LRBA: variants seen among roughly 807,000 people sequenced by gnomAD.
The protein encoded by LRBA is LPS responsive beige-like anchor protein, also known as lipopolysaccharide-responsive and beige-like anchor protein.
Under a neutral mutation model 330.0 loss-of-function variants are expected in LRBA, and 176 were observed. The observed-to-expected ratio is 0.53, with a 90% CI of 0.47 to 0.60. The LOEUF is 0.60. Ranked by LOEUF, LRBA falls within the 20% of genes least tolerant of loss-of-function variation. The pLI is 0.00. For synonymous variants in LRBA, 1,230 were observed against 1,193.0 expected (o/e 1.03, Z -0.64); for missense variants, 3,259 against 3,444.8 (o/e 0.95, Z 1.35).
chr4:150,833,205 T>C (rs1747459675), intron 28 of LRBA, among the ~76,000 whole-genome samples: 1 of 152,156 alleles, frequency 6.6e-6, no homozygotes, highest in African/African-American at 2.4e-5. Flanking sequence ...ATTCTAGCTC[T>C]ACAGGTCACC....
At chr4:150,283,542 G>A (rs1314613418) in intron 54 of LRBA, among the ~76,000 whole-genome samples, 3 of 152,196 alleles carry the variant, frequency 2.0e-5, no homozygotes, top group Non-Finnish European at 4.4e-5. Flanking sequence ...ACATGGAATC[G>A]TTGCCTTTTC....
chr4:150,646,574 C>T (rs1406623398), intron 37 of LRBA, among the ~76,000 whole-genome samples: 2 of 152,064 alleles, frequency 1.3e-5, no homozygotes, highest in Non-Finnish European at 2.9e-5. Context: ...GGCACTAAAA[C>T]ATTCACCATT....
At chr4:150,708,765 T>C (rs1050544545) in intron 36 of LRBA, among the ~76,000 whole-genome samples, 18 of 151,840 alleles carry the variant, frequency 1.2e-4, no homozygotes, top group African/African-American at 4.3e-4. Flanking sequence ...CCAGCTGGCA[T>C]TTTATAACAG....
chr4:150,883,900 T>C (rs1560958873), intron 17 of LRBA, among the ~76,000 whole-genome samples: 1 of 151,922 alleles, frequency 6.6e-6, no homozygotes, highest in African/African-American at 2.4e-5. Flanking sequence ...AAAAGCAAAA[T>C]AGGGGGAATA....
chr4:150,542,707 G>T (rs1293667749), intron 40 of LRBA, among the ~76,000 whole-genome samples: 1 of 152,134 alleles, frequency 6.6e-6, no homozygotes, highest in Non-Finnish European at 1.5e-5. Flanking sequence ...GATGATGCTA[G>T]CCAGTTCCTG....
intron 47 of LRBA, among the ~76,000 whole-genome samples, chr4:150,390,095 C>A (rs1044245127): frequency 6.6e-6 from 1 of 151,972 alleles, no homozygotes; most frequent in Non-Finnish European, 1.5e-5. Flanking sequence ...TAGCTTACAT[C>A]ATTAGTGTAA....
At chr4:150,596,975 T>C (rs1561403930) in intron 38 of LRBA, 1 of 549,012 alleles carries the variant, frequency 1.8e-6, no homozygotes, top group East Asian at 3.4e-5. Flanking sequence ...AAGAATCTCC[T>C]ACACATTTAG....
At chr4:150,460,206 T>A (rs551775338) in intron 44 of LRBA, among the ~76,000 whole-genome samples, 1 of 151,944 alleles carries the variant, frequency 6.6e-6, no homozygotes, top group East Asian at 1.9e-4. Context: ...CAGTTAAATG[T>A]CGGTAGTCAA....
chr4:150,733,154 G>C (rs557638593), intron 36 of LRBA, among the ~76,000 whole-genome samples: 5 of 151,690 alleles, frequency 3.3e-5, no homozygotes, highest in Non-Finnish European at 4.4e-5. Context: ...ATACTGACTT[G>C]AGAAAAATGA....
chr4:150,892,328 G>C (rs1344434043), intron 17 of LRBA, among the ~76,000 whole-genome samples: 1 of 152,164 alleles, frequency 6.6e-6, no homozygotes, highest in Non-Finnish European at 1.5e-5. Flanking sequence ...CCTATCATTA[G>C]TATTTGGAGA....
chr4:150,495,965 T>G (rs531038574), intron 40 of LRBA, among the ~76,000 whole-genome samples: 1 of 152,200 alleles, frequency 6.6e-6, no homozygotes, highest in Non-Finnish European at 1.5e-5. Flanking sequence ...CTTTCAATTG[T>G]TTTAAATAAT....
chr4:150,709,807 T>C (rs12507255), intron 36 of LRBA, among the ~76,000 whole-genome samples: 48,801 of 151,802 alleles, frequency 0.32, 9,536 homozygotes, highest in Non-Finnish European at 0.44. Flanking sequence ...TAGATTTACA[T>C]TGGGTGATTG....
At chr4:150,824,697 T>C (rs1745970733) in intron 30 of LRBA, among the ~76,000 whole-genome samples, 1 of 152,240 alleles carries the variant, frequency 6.6e-6, no homozygotes. Context: ...CCTGTTGATA[T>C]GATGTATCAC....
At chr4:151,005,566 T>C (rs9999064) in intron 2 of LRBA, among the ~76,000 whole-genome samples, 112,527 of 136,756 alleles carry the variant, frequency 0.82, 48,260 homozygotes, top group Non-Finnish European at 0.95. Flanking sequence ...CTGTTCTTTT[T>C]TTTTTTGGAG....
chr4:150,340,953 T>C (rs1164059030), intron 48 of LRBA, among the ~76,000 whole-genome samples: 1 of 151,900 alleles, frequency 6.6e-6, no homozygotes, highest in Non-Finnish European at 1.5e-5. Context: ...TGATGTGAAA[T>C]AGGAAAGTTT....
chr4:150,492,437 C>T lies in LRBA; in HGVS notation c.6331-1402G>A, dbSNP rs987513597. ...CCTATGTAAAATAAAGGTAAATGAACAGGAAACGAGAGGACAAAAATATGA... is the reference window on the plus strand; with the variant it reads ...CCTATGTAAAATAAAGGTAAATGAATAGGAAACGAGAGGACAAAAATATGA... On this transcript the variant is annotated intron_variant, in intron 40 of 56. Coordinates refer to ENST00000651943, the MANE Select transcript of LRBA (RefSeq NM_001364905.1). 7.2e-5 allele frequency among the ~76,000 whole-genome samples: 11 copies of T among 152,016 alleles called. No homozygotes were observed. In the South Asian group the frequency reaches 2.1e-3, roughly 29 times the overall value.
At position 151,014,540 on chromosome 4, in the gene LRBA, G is replaced by A. The variant is rs142755995; in HGVS notation, c.103C>T (p.Leu35=). ...CCCCTGATGGGGAGCCCTGGTTTCAGAGACAATGCACCCCCTTCAGTAGGG... is the reference window on the plus strand; with the variant it reads ...CCCCTGATGGGGAGCCCTGGTTTCAAAGACAATGCACCCCCTTCAGTAGGG... The part of the protein sequence containing the change: ...ETPTEGGALS[L]KPGLPIRGIR... The change falls in exon 2 of 57, where the codon CTG becomes TTG. Residue 35 remains leucine, a synonymous_variant. Coordinates refer to ENST00000651943, the MANE Select transcript of LRBA (RefSeq NM_001364905.1). The A allele has an allele frequency of 1.1e-4, 185 of 1,614,036 alleles. No homozygotes were observed. The highest frequency in any genetic ancestry group is 1.4e-4 in the Non-Finnish European group (168 of 1,179,948).
At chr4:150,602,298 T>C (rs753460215) in intron 37 of LRBA, among the ~76,000 whole-genome samples, 3 of 152,222 alleles carry the variant, frequency 2.0e-5, no homozygotes, top group Non-Finnish European at 4.4e-5. Flanking sequence ...AAAGTTCTCA[T>C]GTAATAGACT....
rs1423103419 is a variant in LRBA at position 150,528,684 on chromosome 4, A to C, written c.6331-37649T>G. Reference sequence around the variant, plus strand: ...CGAGGTAGAGGATTGATTTTAGGTAATAAAGAGCTTTTCAGCATCATCGAT... The same window carrying C: ...CGAGGTAGAGGATTGATTTTAGGTACTAAAGAGCTTTTCAGCATCATCGAT... On this transcript the variant is annotated intron_variant, in intron 40 of 56. Transcript: ENST00000651943. Among the ~76,000 whole-genome samples, 3 of 152,234 alleles carry C rather than the reference A, an allele frequency of 2.0e-5. No homozygotes were observed. In the East Asian group the frequency reaches 5.8e-4, roughly 29 times the overall value.
Sources: allele counts gnomAD v4.1 joint callset (sites outside exome capture counted in the v4.1 genomes callset), GRCh38; gene constraint gnomAD v4.1.1; transcripts MANE v1.5; gene names NCBI Gene and HGNC (gene_info 2026-07-23, HGNC 2026-07-21).